Variants in VAV1 observed in about 807,000 individuals in gnomAD.
VAV1 encodes proto-oncogene vav.
Under a neutral mutation model 128.1 loss-of-function variants are expected in VAV1, and 33 were observed. The observed-to-expected ratio is 0.26, with a 90% CI of 0.20 to 0.34. VAV1 has a LOEUF of 0.34. Among genes scored for constraint, VAV1 ranks in the 10% least tolerant of loss-of-function variants. VAV1 has a pLI of 1.00. For synonymous variants in VAV1, 394 were observed against 409.8 expected (o/e 0.96, Z 0.47); for missense variants, 715 against 1,093.7 (o/e 0.65, Z 4.88).
At chr19:6,774,475 G>T (rs184721581) in intron 1 of VAV1, among the ~76,000 whole-genome samples, 1,531 of 116,642 alleles carry the variant, frequency 0.013, 40 homozygotes, top group African/African-American at 0.05. Context: ...TCACTCTGTC[G>T]CCCAGGCTGG....
At chr19:6,776,722 A>C (rs1186131739) in intron 1 of VAV1, among the ~76,000 whole-genome samples, 1 of 150,192 alleles carries the variant, frequency 6.7e-6, no homozygotes, top group Non-Finnish European at 1.5e-5. Flanking sequence ...CCACCCATCT[A>C]TCCATGGATC....
intron 6 of VAV1, among the ~76,000 whole-genome samples, chr19:6,823,164 T>A (rs1971837955): frequency 6.7e-6 from 1 of 149,618 alleles, no homozygotes; most frequent in Non-Finnish European, 1.5e-5. Context: ...TCTCTCTCAT[T>A]GCCCAGGCTA....
At chr19:6,853,810 A>G in intron 25 of VAV1, 137 bp from the exon 26 acceptor site, 1 of 1,063,344 alleles carries the variant, frequency 9.4e-7, no homozygotes, top group East Asian at 2.4e-5. Context: ...CTTACAGTAC[A>G]GGGCATCTAA....
At chr19:6,781,797 AG>A (rs1426315985) in intron 1 of VAV1, among the ~76,000 whole-genome samples, 1 of 151,980 alleles carries the variant, frequency 6.6e-6, no homozygotes, top group Non-Finnish European at 1.5e-5. Context: ...TAGTAGAGAC[AG>A]GGTTTCGCCA....
chr19:6,843,659 T>C (rs1972436741), intron 22 of VAV1, among the ~76,000 whole-genome samples: 1 of 152,150 alleles, frequency 6.6e-6, no homozygotes, highest in South Asian at 2.1e-4. Flanking sequence ...CTCTGGAAAA[T>C]AGCTTAATGA....
chr19:6,826,582 T>C lies in VAV1; in HGVS notation c.828-30T>C, dbSNP rs1206481117. Reference sequence around the variant, plus strand: ...CTGCCCGACCTTGATGCCAGTCACCTTTACCTGGTGGCCTGTCTTCTCCCT... The same window carrying C: ...CTGCCCGACCTTGATGCCAGTCACCCTTACCTGGTGGCCTGTCTTCTCCCT... On this transcript the variant is annotated intron_variant, in intron 8 of 26. Transcript: ENST00000602142. This position sits in a 1 kb window ranked among gnomAD's most constrained non-coding sequence, Gnocchi z 4.1. The C allele has an allele frequency of 8.5e-6, 13 of 1,530,684 alleles. No homozygotes were observed. The highest frequency in any genetic ancestry group is 8.9e-7 in the Non-Finnish European group (1 of 1,129,710). The allele number at this position is 1,530,684 out of a possible 1,614,324, so 94.8% of individuals were successfully genotyped here. A position where few individuals can be genotyped will look rare whatever the true frequency, so the allele number is the denominator to read the frequency against.
At chr19:6,843,098 C>G in intron 21 of VAV1, 37 bp from the exon 22 acceptor site, 2 of 1,612,310 alleles carry the variant, frequency 1.2e-6, no homozygotes, top group Non-Finnish European at 1.7e-6. Context: ...AAGCTGGGGT[C>G]TTTACACTAA....
chr19:6,807,300 G>A (rs1016575140), intron 1 of VAV1, among the ~76,000 whole-genome samples: 2 of 151,930 alleles, frequency 1.3e-5, no homozygotes, highest in Non-Finnish European at 1.5e-5. Context: ...GCAACTAGAT[G>A]ATCCCATCTG....
intron 22 of VAV1, among the ~76,000 whole-genome samples, chr19:6,845,200 G>C (rs1473872440): frequency 2.6e-5 from 4 of 152,096 alleles, no homozygotes; most frequent in Admixed American, 1.3e-4. Flanking sequence ...GGGCAACATG[G>C]TGAAACCCTG....
At chr19:6,773,188 C>T (rs1350497960) in intron 1 of VAV1, among the ~76,000 whole-genome samples, 177 bp downstream of exon 1, 1 of 152,146 alleles carries the variant, frequency 6.6e-6, no homozygotes, top group East Asian at 1.9e-4. Context: ...GGGTGGCCTC[C>T]CCAAGCTTAA....
rs556171688 is a variant in VAV1, at chr19:6,845,715, A to G, written c.2013-2283A>G. ...ATTTATGTTTATATTATATTATACCATACACAATATATTATAATAAGATTT... is the reference window on the plus strand; with the variant it reads ...ATTTATGTTTATATTATATTATACCGTACACAATATATTATAATAAGATTT... On this transcript the variant is annotated intron_variant, in intron 22 of 26. Transcript: ENST00000602142. 7.0e-3 allele frequency among the ~76,000 whole-genome samples: 1,037 copies of G among 148,956 alleles called. 15 individuals carry two copies. Among genetic ancestry groups the G allele is most frequent in the African/African-American group, 0.024 (984 of 41,022 alleles).
At chr19:6,845,193 C>A (rs1315331739) in intron 22 of VAV1, among the ~76,000 whole-genome samples, 5 of 152,022 alleles carry the variant, frequency 3.3e-5, no homozygotes, top group Non-Finnish European at 7.4e-5. Flanking sequence ...CCAGCCTGGG[C>A]AACATGGTGA....
At position 6,825,545 on chromosome 19, in the gene VAV1, C is replaced by A. The variant is rs1395804042; in HGVS notation, c.827+139C>A. 1.5e-5 allele frequency: 10 copies of A among 678,764 alleles called. No homozygotes were observed. In the East Asian group the frequency reaches 2.7e-4, roughly 19 times the overall value. The allele number at this position is 678,764 out of a possible 1,614,324, so 42.0% of individuals were successfully genotyped here. A position where few individuals can be genotyped will look rare whatever the true frequency, so the allele number is the denominator to read the frequency against. On this transcript the variant is annotated intron_variant, in intron 8 of 26. Transcript: ENST00000602142. The stretch of plus-strand genomic sequence containing the variant: ...TGTTCATGGGCGAGGGGCTGCCCAT[C>A]TCTGGTTCAATTCCCAGCTCTGCTG...
chr19:6,797,660 G>T (rs1242630883), intron 1 of VAV1, among the ~76,000 whole-genome samples: 1 of 150,290 alleles, frequency 6.7e-6, no homozygotes, highest in Admixed American at 6.7e-5. Context: ...CCGAGATCGT[G>T]CCATTGCACT....
chr19:6,774,721 C>G (rs537060771), intron 1 of VAV1, among the ~76,000 whole-genome samples: 1 of 151,832 alleles, frequency 6.6e-6, no homozygotes, highest in African/African-American at 2.4e-5. Flanking sequence ...AGGTGTGAGC[C>G]ACTGTGCCCG....
At chr19:6,786,024 A>G (rs1427426494) in intron 1 of VAV1, among the ~76,000 whole-genome samples, 1 of 151,844 alleles carries the variant, frequency 6.6e-6, no homozygotes, top group African/African-American at 2.4e-5. Flanking sequence ...TCGCCCTCCC[A>G]ACTTCCCATT....
chr19:6,800,611 CT>C (rs910372274), intron 1 of VAV1, among the ~76,000 whole-genome samples: 5 of 150,532 alleles, frequency 3.3e-5, no homozygotes, highest in South Asian at 2.1e-4. Context: ...CACCCAGCTT[CT>C]TTTTTTTGTT....
At position 6,832,653 on chromosome 19, in the gene VAV1, T is replaced by C. The variant is rs183888717; in HGVS notation, c.1508+453T>C. The stretch of plus-strand genomic sequence containing the variant: ...CCTCCTCCTCCCTTTCCTCCCCTTC[T>C]TCCTCCTCCTCCTCCTCTTCCTCCT... On this transcript the variant is annotated intron_variant, in intron 15 of 26. Transcript: ENST00000602142. 6.3e-3 allele frequency among the ~76,000 whole-genome samples: 756 copies of C among 119,754 alleles called. 1 individual carries two copies. The highest frequency in any genetic ancestry group is 0.017 in the East Asian group (77 of 4,562). 78.6% of individuals were successfully genotyped at this position (119,754 alleles called of 152,430 possible).
At chr19:6,774,771 T>C (rs1173627800) in intron 1 of VAV1, among the ~76,000 whole-genome samples, 1 of 151,524 alleles carries the variant, frequency 6.6e-6, no homozygotes, top group East Asian at 1.9e-4. Flanking sequence ...CTTTTATTTT[T>C]TGAGATGGAG....
Sources: allele counts gnomAD v4.1 joint callset (sites outside exome capture counted in the v4.1 genomes callset), GRCh38; gene constraint gnomAD v4.1.1; non-coding constraint Gnocchi (gnomAD v3.1); transcripts MANE v1.5; gene names NCBI Gene and HGNC (gene_info 2026-07-23, HGNC 2026-07-21).